Variants in RIMS2 observed in about 807,000 individuals in gnomAD.
RIMS2 encodes the protein regulating synaptic membrane exocytosis 2.
Under a neutral mutation model 174.4 loss-of-function variants are expected in RIMS2, and 59 were observed. The ratio of observed to expected loss-of-function variants is 0.34; its 90% CI spans 0.27 to 0.42. The LOEUF (loss-of-function observed/expected upper bound fraction) is 0.42, where lower values mean the gene tolerates loss of function less well. Among genes scored for constraint, RIMS2 ranks in the 10% least tolerant of loss-of-function variants. The probability of loss-of-function intolerance (pLI) is 1.00; values close to 1 mark genes in which losing one functional copy is unlikely to be tolerated. For synonymous variants in RIMS2, 606 were observed against 572.5 expected (o/e 1.06, Z -0.84); for missense variants, 1,620 against 1,666.3 (o/e 0.97, Z 0.48).
At chr8:103,993,821 G>A (rs1317248335) in intron 17 of RIMS2, among the ~76,000 whole-genome samples, 1 of 151,950 alleles carries the variant, frequency 6.6e-6, no homozygotes, top group Non-Finnish European at 1.5e-5. Context: ...GAGCCCAGGA[G>A]TTCTCAACCA....
At chr8:103,652,428 T>C (rs1367381122) in intron 1 of RIMS2, among the ~76,000 whole-genome samples, 191 bp downstream of exon 2, 1 of 152,216 alleles carries the variant, frequency 6.6e-6, no homozygotes, top group Non-Finnish European at 1.5e-5. Flanking sequence ...ATGTAGTTTT[T>C]TGCTGCCTGC....
In RIMS2 at chr8:104,216,620, A is replaced by G. The variant is rs553980444; in HGVS notation, c.3335-28296A>G. Among the ~76,000 whole-genome samples, 18 of 152,346 alleles carry G rather than the reference A, an allele frequency of 1.2e-4. No homozygotes were observed. In the South Asian group the frequency reaches 3.3e-3, roughly 28 times the overall value. ...TCAATATGCCTTGGTTTCCTCATCT[A>G]TATAAAGAGTATAGTAATATCTCCC... On this transcript the variant is annotated intron_variant, in intron 19 of 23. Coordinates refer to ENST00000504942, the Ensembl canonical transcript of RIMS2.
At chr8:104,180,990 C>G (rs1043868837) in intron 19 of RIMS2, among the ~76,000 whole-genome samples, 1 of 151,608 alleles carries the variant, frequency 6.6e-6, no homozygotes, top group African/African-American at 2.4e-5. Flanking sequence ...GAAGTGTATC[C>G]TACAAAACAA....
chr8:104,037,185 T>C (rs868790778), intron 19 of RIMS2, among the ~76,000 whole-genome samples: 3 of 152,290 alleles, frequency 2.0e-5, no homozygotes, highest in Admixed American at 2.0e-4. Flanking sequence ...TCTATTCTGA[T>C]CTTTGTATCA....
At chr8:103,882,352 A>G (rs538608480) in intron 3 of RIMS2, among the ~76,000 whole-genome samples, 1 of 151,630 alleles carries the variant, frequency 6.6e-6, no homozygotes, top group Admixed American at 6.6e-5. Flanking sequence ...GAAGTAATTC[A>G]TAATATAGTT....
intron 16 of RIMS2, among the ~76,000 whole-genome samples, chr8:103,985,354 G>C (rs1162390746): frequency 6.6e-6 from 1 of 151,212 alleles, no homozygotes; most frequent in East Asian, 1.9e-4. Context: ...CGCGCCTGTA[G>C]TCCCAGCTAC....
At chr8:103,989,632 A>G (rs1231964699) in intron 17 of RIMS2, among the ~76,000 whole-genome samples, 2 of 152,206 alleles carry the variant, frequency 1.3e-5, no homozygotes, top group Non-Finnish European at 2.9e-5. Context: ...AAAAAACAAA[A>G]TTATCTTTCT....
chr8:104,217,262 G>GT lies in RIMS2; in HGVS notation c.3335-27647dup, dbSNP rs971189874. Among the ~76,000 whole-genome samples, 23 of 88,608 alleles carry GT rather than the reference G, an allele frequency of 2.6e-4. No individual in the cohort carries two copies. In the East Asian group the frequency reaches 0.016, roughly 60 times the overall value. 58.1% of individuals were successfully genotyped at this position (88,608 alleles called of 152,430 possible). On this transcript the variant is annotated intron_variant, in intron 19 of 23. Coordinates refer to ENST00000504942, the Ensembl canonical transcript of RIMS2. ...TTTCTTCTCATACTGTGAATATCTT[G>GT]TTTTTTTGTTTTTTTGTTTTTTTTG...
At chr8:104,184,064 C>T (rs2098955381) in intron 19 of RIMS2, among the ~76,000 whole-genome samples, 1 of 151,492 alleles carries the variant, frequency 6.6e-6, no homozygotes. Context: ...TGGGAGTTGT[C>T]CACACACCCC....
At chr8:103,966,931 A>G (rs1171381108) in intron 15 of RIMS2, among the ~76,000 whole-genome samples, 1 of 151,734 alleles carries the variant, frequency 6.6e-6, no homozygotes. Context: ...CTGCTTTCTA[A>G]TTTATTTTCA....
At chr8:103,727,930 T>G (rs768329861) in intron 2 of RIMS2, among the ~76,000 whole-genome samples, 17 of 149,426 alleles carry the variant, frequency 1.1e-4, no homozygotes, top group Non-Finnish European at 2.1e-4. Context: ...GGGTCTTTTG[T>G]GTTTCCATAC....
intron 15 of RIMS2, among the ~76,000 whole-genome samples, chr8:103,970,948 A>C (rs867830182): frequency 3.9e-5 from 6 of 152,276 alleles, no homozygotes; most frequent in Middle Eastern, 3.4e-3. Context: ...TGCATTGTTA[A>C]TGTTCTTTAA....
chr8:103,878,623 A>G (rs76890536), intron 3 of RIMS2, among the ~76,000 whole-genome samples: 24,887 of 151,432 alleles, frequency 0.16, 2,176 homozygotes, highest in Middle Eastern at 0.26. Flanking sequence ...ATCTTTTGAT[A>G]GTTTCAGTAG....
intron 1 of RIMS2, among the ~76,000 whole-genome samples, chr8:103,662,928 T>C (rs1226258544): frequency 6.6e-6 from 1 of 152,166 alleles, no homozygotes; most frequent in Non-Finnish European, 1.5e-5. Context: ...CCTAGCACTT[T>C]GGGAGGCCCA....
chr8:103,788,042 C>T (rs1202787826), intron 3 of RIMS2, among the ~76,000 whole-genome samples: 2 of 151,380 alleles, frequency 1.3e-5, no homozygotes, highest in South Asian at 2.1e-4. Context: ...TGCTGATACC[C>T]TTTCTTCCAG....
chr8:104,184,148 A>G (rs1290397866), intron 19 of RIMS2, among the ~76,000 whole-genome samples: 1 of 151,644 alleles, frequency 6.6e-6, no homozygotes, highest in Non-Finnish European at 1.5e-5. Context: ...AAATGTACAT[A>G]ATGTGATTTT....
At chr8:103,967,176 T>G (rs1297638454) in intron 15 of RIMS2, among the ~76,000 whole-genome samples, 1 of 121,182 alleles carries the variant, frequency 8.3e-6, no homozygotes, top group Non-Finnish European at 1.7e-5. Context: ...TCTTGTTTTT[T>G]TTTTTTTTTT....
At chr8:103,500,875 G>A in exon 1 of RIMS2, 1 of 1,578,634 alleles carries the variant, frequency 6.3e-7, no homozygotes, top group Non-Finnish European at 8.6e-7. Context: ...GGGTGGTTCG[G>A]CTCCACCAAA....
intron 16 of RIMS2, among the ~76,000 whole-genome samples, chr8:103,988,649 AG>A (rs1477566809): frequency 6.6e-6 from 1 of 151,946 alleles, no homozygotes; most frequent in Non-Finnish European, 1.5e-5. Context: ...TAGTAGAGAC[AG>A]GGTTTCTCCA....
Sources: gnomAD v4.1 joint callset for allele counts (sites outside exome capture counted in the v4.1 genomes callset) on GRCh38, gnomAD v4.1.1 for gene constraint, MANE v1.5 for transcripts, NCBI Gene and HGNC (gene_info 2026-07-23, HGNC 2026-07-21) for gene names.